PVT1: variants seen among roughly 807,000 people sequenced by gnomAD.
The protein encoded by PVT1 is CXCR4/PVT1 fusion.
intron 3 of PVT1, among the ~76,000 whole-genome samples, chr8:127,978,219 A>G (rs2129974829): frequency 6.6e-6 from 1 of 152,028 alleles, no homozygotes; most frequent in South Asian, 2.1e-4. Flanking sequence ...TGGTGCAATC[A>G]TAGTTTACTG....
At chr8:127,858,161 C>T (rs1021572002) in intron 2 of PVT1, among the ~76,000 whole-genome samples, 5 of 152,104 alleles carry the variant, frequency 3.3e-5, no homozygotes, top group African/African-American at 7.2e-5. Flanking sequence ...GAGGCCAAGG[C>T]GGCTGGATCA....
intron 2 of PVT1, among the ~76,000 whole-genome samples, chr8:127,819,557 G>A (rs999049811): frequency 6.6e-6 from 1 of 152,172 alleles, no homozygotes; most frequent in East Asian, 1.9e-4. Context: ...GTCCTAACTG[G>A]TATGCTCTCC....
chr8:127,936,943 G>A (rs1011938379), intron 3 of PVT1, among the ~76,000 whole-genome samples: 6 of 152,240 alleles, frequency 3.9e-5, no homozygotes, highest in African/African-American at 1.4e-4. Context: ...GCATAACTGT[G>A]TATGTTCACA....
chr8:127,986,833 CTAAAAACATTAAT>C (rs1311754089), intron 3 of PVT1, among the ~76,000 whole-genome samples: 2 of 152,158 alleles, frequency 1.3e-5, no homozygotes, highest in Admixed American at 1.3e-4. Context: ...GTGTGTGTGG[CTAAAAACATTAAT>C]TAAAAACATT....
At chr8:128,049,948 T>C (rs955322915) in intron 4 of PVT1, among the ~76,000 whole-genome samples, 1 of 152,166 alleles carries the variant, frequency 6.6e-6, no homozygotes, top group Non-Finnish European at 1.5e-5. Flanking sequence ...TGAGGGACTG[T>C]CTGAGCCCAA....
chr8:128,072,063 A>T (rs1005124405), intron 5 of PVT1, among the ~76,000 whole-genome samples: 5 of 152,210 alleles, frequency 3.3e-5, no homozygotes, highest in African/African-American at 1.2e-4. Flanking sequence ...GCCATTTTTT[A>T]AAATGAAGAA....
chr8:127,941,548 C>T (rs1816349780), intron 3 of PVT1, among the ~76,000 whole-genome samples: 1 of 152,164 alleles, frequency 6.6e-6, no homozygotes. Context: ...TATAAAAGGT[C>T]AACTTAATAG....
chr8:127,929,624 C>G (rs1023310584), intron 3 of PVT1, among the ~76,000 whole-genome samples: 1 of 152,070 alleles, frequency 6.6e-6, no homozygotes, highest in Non-Finnish European at 1.5e-5. Flanking sequence ...AAAAATTAGC[C>G]GGGCATGGTG....
chr8:128,084,348 A>G (rs1814230165), intron 5 of PVT1, among the ~76,000 whole-genome samples: 1 of 151,810 alleles, frequency 6.6e-6, no homozygotes, highest in African/African-American at 2.4e-5. Flanking sequence ...TGCACATACG[A>G]TTTTCCTTTT....
chr8:127,958,949 G>T lies in PVT1; in HGVS notation n.783-30213G>T, dbSNP rs147931278. Among the ~76,000 whole-genome samples, 715 of 151,562 alleles carry T rather than the reference G, an allele frequency of 4.7e-3. 8 individuals carry two copies. Among genetic ancestry groups the T allele is most frequent in the African/African-American group, 0.017 (693 of 41,348 alleles). On this transcript the variant is annotated intron_variant and non_coding_transcript_variant, in intron 3 of 10. Coordinates refer to ENST00000651587, the Ensembl canonical transcript of PVT1. ...TCGAAGGGGAGTCTTAAGGGTTTCAGTCAGTTGTCACGGTCACAGCACCAA... is the reference window on the plus strand; with the variant it reads ...TCGAAGGGGAGTCTTAAGGGTTTCATTCAGTTGTCACGGTCACAGCACCAA...
At chr8:127,999,732 G>T (rs887580471) in intron 4 of PVT1, among the ~76,000 whole-genome samples, 6 of 152,208 alleles carry the variant, frequency 3.9e-5, no homozygotes, top group African/African-American at 1.4e-4. Context: ...GAAGTGCTGG[G>T]GTTACAGGCG....
At chr8:128,049,968 G>A (rs900365186) in intron 4 of PVT1, among the ~76,000 whole-genome samples, 4 of 152,134 alleles carry the variant, frequency 2.6e-5, no homozygotes, top group Admixed American at 1.3e-4. Flanking sequence ...AAGTACACTG[G>A]GGACAAGGGC....
chr8:127,825,117 T>TAAAAAA (rs58377389), intron 2 of PVT1, among the ~76,000 whole-genome samples: 13 of 81,016 alleles, frequency 1.6e-4, no homozygotes, highest in Non-Finnish European at 2.0e-4. Context: ...AAACACTAGC[T>TAAAAAA]AAAAAAAAAA....
chr8:128,035,292 C>A (rs1385527124), intron 4 of PVT1, among the ~76,000 whole-genome samples: 1 of 152,190 alleles, frequency 6.6e-6, no homozygotes, highest in East Asian at 1.9e-4. Flanking sequence ...GTTAGGAAAA[C>A]AAACACATGA....
chr8:127,865,097 G>T (rs140433039), intron 2 of PVT1, among the ~76,000 whole-genome samples: 14 of 152,290 alleles, frequency 9.2e-5, no homozygotes, highest in Admixed American at 3.3e-4. Context: ...GGCCCTGGGC[G>T]AGTCTCTTGC....
intron 3 of PVT1, among the ~76,000 whole-genome samples, chr8:127,921,854 G>GGTT (rs1271516578): frequency 1.4e-5 from 1 of 71,924 alleles, no homozygotes; most frequent in Non-Finnish European, 2.3e-5. Flanking sequence ...TTTGGTTCAT[G>GGTT]TTTTTTTTTT....
chr8:127,891,708 C>T (rs1252096520), intron 3 of PVT1, among the ~76,000 whole-genome samples: 1 of 152,128 alleles, frequency 6.6e-6, no homozygotes, highest in Non-Finnish European at 1.5e-5. Flanking sequence ...ATTTCTTGGC[C>T]CTGATCTTTC....
At position 128,056,075 on chromosome 8, in the gene PVT1, G is replaced by A. The variant is rs553236260; in HGVS notation, n.913-14085G>A. ...AGCTTCTACTCTGCTTAACCTCTTG[G>A]GTTGGTTTGTAATAATGTAGTGACC... On this transcript the variant is annotated intron_variant and non_coding_transcript_variant, in intron 4 of 10. Transcript: ENST00000651587. Among the ~76,000 whole-genome samples, 32 of 152,286 alleles carry A rather than the reference G, an allele frequency of 2.1e-4. 1 individual carries two copies. In the East Asian group the frequency reaches 5.6e-3, roughly 27 times the overall value.
intron 5 of PVT1, among the ~76,000 whole-genome samples, chr8:128,089,898 C>A (rs1470630711): frequency 6.6e-6 from 1 of 152,204 alleles, no homozygotes; most frequent in Non-Finnish European, 1.5e-5. Context: ...GCCTCACCCA[C>A]TAGGATCAGG....
Sources: gnomAD v4.1 joint callset for allele counts (sites outside exome capture counted in the v4.1 genomes callset) on GRCh38, gnomAD v4.1.1 for gene constraint, MANE v1.5 for transcripts, NCBI Gene and HGNC (gene_info 2026-07-23, HGNC 2026-07-21) for gene names.